Variants in VPS13B observed in about 807,000 individuals in gnomAD.
VPS13B encodes intermembrane lipid transfer protein VPS13B.
A neutral mutation model predicts 426.4 loss-of-function variants in VPS13B; 285 were observed. The observed-to-expected ratio is 0.67, with a 90% CI of 0.61 to 0.74. The LOEUF (loss-of-function observed/expected upper bound fraction) is 0.74, where lower values mean the gene tolerates loss of function less well. VPS13B is among the 30% of genes least tolerant of loss of function. The probability of loss-of-function intolerance (pLI) is 0.00; values close to 1 mark genes in which losing one functional copy is unlikely to be tolerated. For missense variants in VPS13B, 4,537 were observed against 4,782.6 expected, an observed-to-expected ratio of 0.95 and a Z score of 1.51; for synonymous variants, 1,676 against 1,676.4, an observed-to-expected ratio of 1.00 and a Z score of 0.01.
intron 33 of VPS13B, among the ~76,000 whole-genome samples, chr8:99,629,590 T>G (rs1218009469): frequency 6.6e-6 from 1 of 152,168 alleles, no homozygotes; most frequent in Non-Finnish European, 1.5e-5. Flanking sequence ...GAGAGCATTC[T>G]AGGCTGAAAG....
At chr8:99,510,952 C>A in intron 28 of VPS13B, 152 bp from the exon 29 acceptor site, 2 of 800,080 alleles carry the variant, frequency 2.5e-6, no homozygotes, top group South Asian at 1.8e-5. Flanking sequence ...TTTTTGCCCA[C>A]ATCTGCAGAA....
At chr8:99,836,813 A>T (rs894321525) in intron 54 of VPS13B, among the ~76,000 whole-genome samples, 2 of 152,226 alleles carry the variant, frequency 1.3e-5, no homozygotes, top group African/African-American at 4.8e-5. Flanking sequence ...TGTGCTAAGC[A>T]CTTTACATTC....
At chr8:99,436,568 A>G (rs1201780132) in intron 22 of VPS13B, among the ~76,000 whole-genome samples, 4 of 152,280 alleles carry the variant, frequency 2.6e-5, no homozygotes, top group African/African-American at 9.6e-5. Context: ...GTTATCTTAT[A>G]TATGACCTAG....
At chr8:99,408,650 A>G (rs1237143248) in intron 21 of VPS13B, among the ~76,000 whole-genome samples, 1 of 152,176 alleles carries the variant, frequency 6.6e-6, no homozygotes, top group East Asian at 1.9e-4. Flanking sequence ...AATAGTCTGG[A>G]GCTTACAGGA....
At chr8:99,460,706 G>GAA (rs1818776821) in intron 23 of VPS13B, among the ~76,000 whole-genome samples, 6 of 152,106 alleles carry the variant, frequency 3.9e-5, no homozygotes, top group Non-Finnish European at 8.8e-5. Context: ...TAGTTTTGCT[G>GAA]GGTATAAAAT....
chr8:99,477,137 A>G (rs182124823), intron 24 of VPS13B, among the ~76,000 whole-genome samples: 137 of 152,278 alleles, frequency 9.0e-4, no homozygotes, highest in African/African-American at 3.1e-3. Flanking sequence ...ACTTTTTGAC[A>G]TCTTCTGCCA....
chr8:99,248,161 G>T (rs1044483440), intron 17 of VPS13B, among the ~76,000 whole-genome samples: 1 of 152,116 alleles, frequency 6.6e-6, no homozygotes, highest in Non-Finnish European at 1.5e-5. Context: ...ATGATTCAGG[G>T]ATTGATGTTT....
At chr8:99,144,571 A>T (rs1459643045) in intron 13 of VPS13B, among the ~76,000 whole-genome samples, 1 of 152,094 alleles carries the variant, frequency 6.6e-6, no homozygotes, top group Non-Finnish European at 1.5e-5. Flanking sequence ...TGTTACCTTA[A>T]ATGATACACT....
chr8:99,360,144 TTCTTTC>T (rs1812432616), intron 19 of VPS13B, among the ~76,000 whole-genome samples: 2 of 32,426 alleles, frequency 6.2e-5, no homozygotes, highest in East Asian at 7.5e-4. Flanking sequence ...CTTTCTTTCT[TTCTTTC>T]TTTCTTTCTT....
chr8:99,130,232 G>A (rs1041885202), intron 8 of VPS13B, among the ~76,000 whole-genome samples: 28 of 152,008 alleles, frequency 1.8e-4, no homozygotes, highest in Non-Finnish European at 3.7e-4. Context: ...AAGAATGTTT[G>A]GAATTAATTT....
chr8:99,810,949 T>C (rs1813665401), intron 44 of VPS13B, among the ~76,000 whole-genome samples: 1 of 152,178 alleles, frequency 6.6e-6, no homozygotes, highest in Non-Finnish European at 1.5e-5. Context: ...GTGTGAGCAT[T>C]GAGCCAAAGA....
chr8:99,404,922 A>G (rs907544396), intron 21 of VPS13B, among the ~76,000 whole-genome samples: 9 of 152,234 alleles, frequency 5.9e-5, no homozygotes, highest in African/African-American at 9.6e-5. Flanking sequence ...GGTGAAGATC[A>G]TATTTTTGAT....
intron 35 of VPS13B, 80 bp from the exon 36 acceptor site, chr8:99,699,445 G>A (rs879096469): frequency 2.9e-5 from 44 of 1,497,900 alleles, no homozygotes; most frequent in Admixed American, 2.2e-4. Context: ...ACACTTTTAT[G>A]TAGGAGCTTG....
chr8:99,163,222 G>A (rs1360534299), intron 15 of VPS13B, among the ~76,000 whole-genome samples: 1 of 152,224 alleles, frequency 6.6e-6, no homozygotes, highest in Non-Finnish European at 1.5e-5. Flanking sequence ...GACGATTGGT[G>A]CATTCACAAA....
intron 35 of VPS13B, among the ~76,000 whole-genome samples, chr8:99,668,322 C>T (rs1281495190): frequency 3.4e-5 from 5 of 149,128 alleles, no homozygotes; most frequent in African/African-American, 9.9e-5. Flanking sequence ...TGCTACTGCA[C>T]TCCAGTTTGG....
At chr8:99,550,158 T>G (rs1824202179) in intron 30 of VPS13B, among the ~76,000 whole-genome samples, 1 of 152,052 alleles carries the variant, frequency 6.6e-6, no homozygotes, top group African/African-American at 2.4e-5. Context: ...GAAGGGCTGT[T>G]TTGATAGGAG....
intron 5 of VPS13B, among the ~76,000 whole-genome samples, chr8:99,103,493 C>CTT (rs71273162): frequency 3.0e-3 from 147 of 49,522 alleles, no homozygotes; most frequent in Non-Finnish European, 3.9e-3. Context: ...CTATGCCCGG[C>CTT]TTTTTTTTTT....
chr8:99,711,723 C>T (rs1332473868), intron 36 of VPS13B, among the ~76,000 whole-genome samples: 2 of 152,168 alleles, frequency 1.3e-5, no homozygotes, highest in East Asian at 1.9e-4. Context: ...ATGTCTCTTC[C>T]CCACTCAGTA....
intron 8 of VPS13B, among the ~76,000 whole-genome samples, chr8:99,130,995 A>C (rs1218883726): frequency 6.6e-6 from 1 of 152,226 alleles, no homozygotes; most frequent in African/African-American, 2.4e-5. Flanking sequence ...GCCTAAGTTA[A>C]ATATTGGTTT....
Sources: allele counts gnomAD v4.1 joint callset (sites outside exome capture counted in the v4.1 genomes callset), GRCh38; gene constraint gnomAD v4.1.1; transcripts MANE v1.5; gene names NCBI Gene and HGNC (gene_info 2026-07-23, HGNC 2026-07-21).